The following PCDH15 variants were observed in gnomAD, a reference collection of about 807,000 sequenced individuals.
PCDH15 encodes protocadherin related 15, also known as protocadherin-15.
PCDH15 carries 129 observed loss-of-function variants against 178.5 expected under a neutral mutation model. The ratio of observed to expected loss-of-function variants is 0.72; its 90% CI spans 0.63 to 0.84. PCDH15 has a LOEUF of 0.84. Among genes scored for constraint, PCDH15 ranks in the 40% least tolerant of loss-of-function variants. PCDH15 has a pLI of 0.00. For synonymous variants in PCDH15, 800 were observed against 732.0 expected, an observed-to-expected ratio of 1.09 and a Z score of -1.50; for missense variants, 2,230 against 2,099.9, an observed-to-expected ratio of 1.06 and a Z score of -1.21.
intron 8 of PCDH15, among the ~76,000 whole-genome samples, chr10:54,272,936 GGAT>G (rs1386914939): frequency 2.0e-5 from 3 of 151,992 alleles, no homozygotes; most frequent in Non-Finnish European, 2.9e-5. Context: ...AACACCTAAG[GGAT>G]GATATCTTTC....
At chr10:53,933,216 C>T (rs1330652981) in intron 25 of PCDH15, among the ~76,000 whole-genome samples, 4 of 151,652 alleles carry the variant, frequency 2.6e-5, no homozygotes. Flanking sequence ...GGTATATGTG[C>T]ACAACGTGTA....
intron 1 of PCDH15, among the ~76,000 whole-genome samples, chr10:55,173,072 T>G (rs1465565130): frequency 6.6e-6 from 1 of 151,994 alleles, no homozygotes; most frequent in Non-Finnish European, 1.5e-5. Flanking sequence ...TATAACTGTA[T>G]TTGACTAATG....
intron 2 of PCDH15, among the ~76,000 whole-genome samples, chr10:55,560,914 C>A (rs974195699): frequency 1.6e-4 from 24 of 151,582 alleles, no homozygotes; most frequent in African/African-American, 5.8e-4. Flanking sequence ...ACTTTTGTTG[C>A]AAAAATTTCA....
intron 1 of PCDH15, among the ~76,000 whole-genome samples, chr10:54,709,607 TATAC>T (rs1255334821): frequency 0.035 from 4,479 of 126,242 alleles, 151 homozygotes; most frequent in African/African-American, 0.076. Flanking sequence ...TATATATATA[TATAC>T]ATATATATAT....
At chr10:55,468,436 C>T (rs1839886274) in intron 2 of PCDH15, 1 of 152,066 alleles carries the variant, frequency 6.6e-6, no homozygotes, top group Admixed American at 6.6e-5. Flanking sequence ...AGGGAAAGGC[C>T]ACAATATTCT....
Position 54,406,161 on chromosome 10 carries a change from GT to G in PCDH15, c.158-27220del, listed in dbSNP as rs574515761. Among the ~76,000 whole-genome samples, 187 of 152,054 alleles carry G rather than the reference GT, an allele frequency of 1.2e-3. 1 individual carries two copies. The highest frequency in any genetic ancestry group is 4.4e-3 in the African/African-American group (181 of 41,506). On this transcript the variant is annotated intron_variant, in intron 3 of 37. Coordinates refer to ENST00000644397, the MANE Select transcript of PCDH15 (RefSeq NM_001384140.1). ...TTAACAATACACATTATGTCTTTTTGTTTTTTATGTGTATTGTCTGTGTACC... is the reference window on the plus strand; with the variant it reads ...TTAACAATACACATTATGTCTTTTTGTTTTTATGTGTATTGTCTGTGTACC...
At chr10:53,931,884 GA>G (rs2085094358) in intron 25 of PCDH15, among the ~76,000 whole-genome samples, 1 of 152,162 alleles carries the variant, frequency 6.6e-6, no homozygotes, top group Admixed American at 6.5e-5. Context: ...GAGGCTGTAA[GA>G]GATTTCTTTT....
intron 15 of PCDH15, among the ~76,000 whole-genome samples, chr10:54,104,575 C>T (rs1195154841): frequency 3.9e-5 from 6 of 152,150 alleles, no homozygotes; most frequent in African/African-American, 7.2e-5. Context: ...CGGTAGCTCA[C>T]GCCTGTAATC....
At chr10:55,134,323 C>T (rs1042053746) in intron 2 of PCDH15, among the ~76,000 whole-genome samples, 2 of 152,138 alleles carry the variant, frequency 1.3e-5, no homozygotes, top group African/African-American at 4.8e-5. Flanking sequence ...AAAATATTTG[C>T]CCAAGTATTA....
chr10:54,067,962 T>G (rs1029580503), intron 17 of PCDH15, among the ~76,000 whole-genome samples: 9 of 143,030 alleles, frequency 6.3e-5, no homozygotes, highest in Non-Finnish European at 1.1e-4. Flanking sequence ...AGTGATTTTT[T>G]TTATTTTTTA....
chr10:55,464,109 A>G (rs1839776604), intron 2 of PCDH15, among the ~76,000 whole-genome samples: 1 of 152,038 alleles, frequency 6.6e-6, no homozygotes, highest in Non-Finnish European at 1.5e-5. Context: ...ACTGACACAT[A>G]AACAGAAGAC....
intron 37 of PCDH15, chr10:53,809,275 G>A: frequency 7.4e-6 from 12 of 1,613,900 alleles, no homozygotes; most frequent in Non-Finnish European, 1.0e-5. Flanking sequence ...AGTGCTTTCT[G>A]TTGCTTCCTC....
intron 7 of PCDH15, among the ~76,000 whole-genome samples, chr10:54,322,147 T>C (rs565373841): frequency 6.6e-6 from 1 of 152,108 alleles, no homozygotes; most frequent in African/African-American, 2.4e-5. Flanking sequence ...TATAGTAATA[T>C]ACTACTGCTC....
chr10:55,380,379 A>G (rs1365846478), intron 2 of PCDH15, among the ~76,000 whole-genome samples: 1 of 152,144 alleles, frequency 6.6e-6, no homozygotes, highest in Non-Finnish European at 1.5e-5. Context: ...CTTATGAGAG[A>G]CAATTCTCTA....
intron 4 of PCDH15, among the ~76,000 whole-genome samples, chr10:54,376,325 C>A (rs370097434): frequency 1.3e-5 from 2 of 151,128 alleles, no homozygotes. Context: ...TGGTATTTAT[C>A]ATAATAATAT....
At chr10:55,396,977 T>G (rs1465266420) in intron 2 of PCDH15, among the ~76,000 whole-genome samples, 1 of 152,098 alleles carries the variant, frequency 6.6e-6, no homozygotes, top group Non-Finnish European at 1.5e-5. Context: ...GGTCACACAG[T>G]GTGAGTATCC....
chr10:54,642,524 T>TA lies in PCDH15; in HGVS notation c.91+21647dup, dbSNP rs560291905. Among the ~76,000 whole-genome samples, 459 of 152,160 alleles carry TA rather than the reference T, an allele frequency of 3.0e-3. 2 individuals carry two copies. Among genetic ancestry groups the TA allele is most frequent in the African/African-American group, 0.011 (443 of 41,478 alleles). On this transcript the variant is annotated intron_variant, in intron 2 of 37. Coordinates refer to ENST00000644397, the MANE Select transcript of PCDH15 (RefSeq NM_001384140.1). ...AGTATCTAGCAGATAGTAGAGACCT[T>TA]AAAAAATACGTTGAAAGACTAAATA...
chr10:54,996,355 C>T (rs1839643828), intron 2 of PCDH15, among the ~76,000 whole-genome samples: 1 of 152,166 alleles, frequency 6.6e-6, no homozygotes, highest in Non-Finnish European at 1.5e-5. Context: ...TTGGGGAATG[C>T]TGAAGGAATT....
At chr10:55,349,032 GAC>G (rs1844837598) in intron 2 of PCDH15, among the ~76,000 whole-genome samples, 1 of 152,130 alleles carries the variant, frequency 6.6e-6, no homozygotes, top group Non-Finnish European at 1.5e-5. Context: ...GAGTCTAGGT[GAC>G]AGATTGCATG....
Sources: gnomAD v4.1 joint callset for allele counts (sites outside exome capture counted in the v4.1 genomes callset) on GRCh38, gnomAD v4.1.1 for gene constraint, MANE v1.5 for transcripts, NCBI Gene and HGNC (gene_info 2026-07-23, HGNC 2026-07-21) for gene names.